The following TENM1 variants were observed in gnomAD, a reference collection of about 807,000 sequenced individuals.
TENM1 encodes teneurin-1.
In TENM1, 35 loss-of-function variants were observed where a neutral mutation model predicts 174.8. The ratio of observed to expected loss-of-function variants is 0.20; its 90% CI spans 0.15 to 0.27. The LOEUF (loss-of-function observed/expected upper bound fraction) is 0.27. Ranked by LOEUF, TENM1 falls within the 10% of genes least tolerant of loss-of-function variation. The pLI, the probability that TENM1 is intolerant of heterozygous loss-of-function variation, is 1.00. For missense variants in TENM1, 1,633 were observed against 2,130.1 expected (o/e 0.77, Z 4.59); for synonymous variants, 781 against 798.7 (o/e 0.98, Z 0.37).
chrX:125,093,142 T>C, the TENM1 span, among the ~76,000 whole-genome samples: 3 of 112,331 alleles, frequency 2.7e-5, no homozygotes, highest in Non-Finnish European at 5.6e-5. Flanking sequence ...AATAGGATTA[T>C]TGTAGGCCAC....
chrX:125,077,816 G>A, the TENM1 span, among the ~76,000 whole-genome samples: 7 of 111,719 alleles, frequency 6.3e-5, no homozygotes, highest in Non-Finnish European at 1.1e-4. Flanking sequence ...TTATGTCCAA[G>A]GTGCTTATTA....
At chrX:124,473,047 G>A (rs1170825936) in intron 22 of TENM1, among the ~76,000 whole-genome samples, 1 of 111,706 alleles carries the variant, frequency 9.0e-6, no homozygotes, top group African/African-American at 3.3e-5. Context: ...TTACCCTGCT[G>A]GAGAAGACTG....
At chrX:124,653,813 C>T (rs762680624) in intron 6 of TENM1, 30 bp from the exon 10 acceptor site, 1 of 1,080,420 alleles carries the variant, frequency 9.3e-7, no homozygotes, top group Non-Finnish European at 1.3e-6. Context: ...AAATTACACA[C>T]CATGTTAATC....
chrX:124,966,462 A>T (rs925950659), upstream of TENM1, among the ~76,000 whole-genome samples: 3 of 110,422 alleles, frequency 2.7e-5, no homozygotes, highest in African/African-American at 1.0e-4. Flanking sequence ...GGAGATCGAG[A>T]CCATCCTGGC....
intron 6 of TENM1, among the ~76,000 whole-genome samples, chrX:124,654,896 A>C: frequency 9.0e-6 from 1 of 111,699 alleles, no homozygotes; most frequent in East Asian, 2.8e-4. Flanking sequence ...GGGTATGCCC[A>C]AACAGCTCAT....
intron 28 of TENM1, among the ~76,000 whole-genome samples, chrX:124,390,944 G>A (rs751093427): frequency 8.9e-6 from 1 of 112,031 alleles, no homozygotes; most frequent in East Asian, 2.8e-4. Context: ...AGGACATGAG[G>A]TGGATTCACC....
At chrX:124,715,614 T>C (rs1345621720) in intron 4 of TENM1, among the ~76,000 whole-genome samples, 1 of 110,452 alleles carries the variant, frequency 9.1e-6, no homozygotes, top group Non-Finnish European at 1.9e-5. Flanking sequence ...CTTTTCTTTT[T>C]TTTTCCTTTT....
chrX:125,146,383 T>C, the TENM1 span, among the ~76,000 whole-genome samples: 2 of 111,627 alleles, frequency 1.8e-5, no homozygotes, highest in East Asian at 5.6e-4. Context: ...CACACCTATA[T>C]ACAATTTGGT....
At chrX:124,454,932 G>A (rs748622022) in intron 22 of TENM1, among the ~76,000 whole-genome samples, 4 of 111,703 alleles carry the variant, frequency 3.6e-5, no homozygotes, top group South Asian at 7.5e-4. Context: ...GCTAACAAGC[G>A]TGTCCTTTTA....
At chrX:125,049,611 A>G in the TENM1 span, among the ~76,000 whole-genome samples, 1 of 112,141 alleles carries the variant, frequency 8.9e-6, no homozygotes, top group African/African-American at 3.2e-5. Context: ...TGAGGCAATG[A>G]CAAACTTTTC....
intron 11 of TENM1, among the ~76,000 whole-genome samples, chrX:124,581,402 G>C (rs2049306378): frequency 9.6e-6 from 1 of 103,707 alleles, no homozygotes; most frequent in Non-Finnish European, 2.0e-5. Context: ...AGTATTCCAT[G>C]GTACATATGT....
chrX:125,032,699 C>T, the TENM1 span, among the ~76,000 whole-genome samples: 2 of 110,986 alleles, frequency 1.8e-5, no homozygotes, highest in Non-Finnish European at 3.8e-5. Flanking sequence ...ATTTTGCTGC[C>T]CTTATTTACA....
intron 22 of TENM1, among the ~76,000 whole-genome samples, chrX:124,460,577 G>A (rs1478924620): frequency 3.6e-5 from 4 of 109,936 alleles, no homozygotes; most frequent in African/African-American, 1.3e-4. Flanking sequence ...GGGGCCTATC[G>A]GATAGTGGAG....
chrX:124,925,270 A>AT (rs1220991597), intron 1 of TENM1, among the ~76,000 whole-genome samples: 1 of 110,959 alleles, frequency 9.0e-6, no homozygotes, highest in Non-Finnish European at 1.9e-5. Context: ...TCACTTCAAT[A>AT]TTATGACTGG....
the TENM1 span, among the ~76,000 whole-genome samples, chrX:125,152,923 T>C: frequency 6.3e-5 from 7 of 111,867 alleles, no homozygotes; most frequent in Non-Finnish European, 1.3e-4. Context: ...GGGCTAGAGT[T>C]CCCCAACTGC....
the TENM1 span, among the ~76,000 whole-genome samples, chrX:124,970,318 G>C: frequency 9.0e-6 from 1 of 111,340 alleles, no homozygotes; most frequent in Non-Finnish European, 1.9e-5. Flanking sequence ...TAAATTAAAG[G>C]GTACATAGAA....
At chrX:124,485,365 G>C (rs2046931655) in intron 21 of TENM1, among the ~76,000 whole-genome samples, 1 of 111,168 alleles carries the variant, frequency 9.0e-6, no homozygotes, top group Non-Finnish European at 1.9e-5. Context: ...AGCCATACCA[G>C]ACAAGGCATC....
chrX:124,472,211 G>C (rs1487181849), intron 22 of TENM1, among the ~76,000 whole-genome samples: 2 of 106,952 alleles, frequency 1.9e-5, no homozygotes, highest in Non-Finnish European at 3.8e-5. Flanking sequence ...CTGCCGCAAG[G>C]GGCTCAGAGT....
At chrX:124,398,632 C>A (rs749911241) in intron 27 of TENM1, among the ~76,000 whole-genome samples, 25 of 109,092 alleles carry the variant, frequency 2.3e-4, no homozygotes, top group Non-Finnish European at 4.2e-4. Context: ...TTCTTTTTTT[C>A]TTTTTTTTTA....
Sources: gnomAD v4.1 joint callset for allele counts (sites outside exome capture counted in the v4.1 genomes callset) on GRCh38, gnomAD v4.1.1 for gene constraint, MANE v1.5 for transcripts, NCBI Gene and HGNC (gene_info 2026-07-23, HGNC 2026-07-21) for gene names.